Variants in KIF15 observed in about 807,000 individuals in gnomAD.
KIF15 encodes the protein kinesin-like protein KIF15.
KIF15 carries 140 observed loss-of-function variants against 190.6 expected under a neutral mutation model. The observed-to-expected ratio is 0.73, with a 90% CI of 0.64 to 0.84. The LOEUF is 0.84. Among genes scored for constraint, KIF15 ranks in the 40% least tolerant of loss-of-function variants. KIF15 has a pLI of 0.00. For missense variants in KIF15, 1,372 were observed against 1,584.4 expected (o/e 0.87, Z 2.28); for synonymous variants, 528 against 551.3 (o/e 0.96, Z 0.59).
chr3:44,794,166 C>G lies in KIF15; in HGVS notation c.640-51C>G, dbSNP rs577629297. 2.5e-4 allele frequency: 368 copies of G among 1,459,432 alleles called. 3 individuals carry two copies. The South Asian group carries it at 3.6e-3, about 14-fold the overall frequency. The allele number at this position is 1,459,432 out of a possible 1,614,324, so 90.4% of individuals were successfully genotyped here. A position where few individuals can be genotyped will look rare whatever the true frequency, so the allele number is the denominator to read the frequency against. On this transcript the variant is annotated intron_variant, in intron 7 of 34. Coordinates refer to ENST00000326047, the MANE Select transcript of KIF15 (RefSeq NM_020242.3). The stretch of plus-strand genomic sequence containing the variant: ...AAACTGCTAGGATTACAGGCATAAG[C>G]CACTGTAACTGGTCCTCTCATTTCT...
intron 1 of KIF15, among the ~76,000 whole-genome samples, chr3:44,764,991 C>T (rs1705319604): frequency 1.3e-5 from 2 of 152,174 alleles, no homozygotes; most frequent in African/African-American, 2.4e-5. Context: ...AACTTTTATA[C>T]TCTCTTTAAC....
chr3:44,826,492 C>A, intron 22 of KIF15, 32 bp downstream of exon 22: 1 of 1,387,304 alleles, frequency 7.2e-7, no homozygotes, highest in Non-Finnish European at 1.0e-6. Flanking sequence ...TACTAGCATA[C>A]TAGAATATTG....
intron 8 of KIF15, among the ~76,000 whole-genome samples, chr3:44,795,171 C>G (rs1321742634): frequency 1.3e-5 from 2 of 152,066 alleles, no homozygotes; most frequent in Non-Finnish European, 2.9e-5. Flanking sequence ...CAAGAGACAA[C>G]AGGGGTCAGA....
Position 44,805,042 on chromosome 3 carries a change from C to T in KIF15, c.1703C>T (p.Ser568Leu), listed in dbSNP as rs757204449. The T allele has an allele frequency of 4.4e-6, 7 of 1,607,252 alleles. No homozygotes were observed. Among genetic ancestry groups the T allele is most frequent in the Non-Finnish European group, 5.9e-6 (7 of 1,178,052 alleles). Residue 568 changes from serine to leucine, a missense_variant, in exon 15 of 35, where the codon TCA becomes TTA. Ser to Leu is a moderately radical substitution (Grantham distance 145). Coordinates refer to ENST00000326047, the MANE Select transcript of KIF15 (RefSeq NM_020242.3). ...EKSDKNQQGF[S>L]PKAQKEPCLF... ...TTATTAACAGATCAGCAAGGATTTT[C>T]ACCTAAAGCTCAGAAAGAGCCATGT...
At chr3:44,778,979 C>CAAAAAAA (rs60269306) in intron 4 of KIF15, among the ~76,000 whole-genome samples, 3 of 77,726 alleles carry the variant, frequency 3.9e-5, no homozygotes, top group East Asian at 3.9e-4. Context: ...GACTCCGCCT[C>CAAAAAAA]AAAAAAAAAA....
At chr3:44,814,463 C>T (rs1196483199) in intron 19 of KIF15, among the ~76,000 whole-genome samples, 1 of 152,156 alleles carries the variant, frequency 6.6e-6, no homozygotes. Context: ...GTGCTCACCA[C>T]CACAGCCAGC....
intron 23 of KIF15, 78 bp downstream of exon 23, chr3:44,827,606 T>A: frequency 1.3e-6 from 1 of 786,188 alleles, no homozygotes; most frequent in Non-Finnish European, 2.1e-6. Context: ...CTTATTATAA[T>A]GATTTCAGCT....
chr3:44,854,780 T>C (rs374538741), downstream of KIF15, among the ~76,000 whole-genome samples: 35 of 152,312 alleles, frequency 2.3e-4, 1 homozygote, highest in East Asian at 3.7e-3. Context: ...GTTCCATGCC[T>C]TTCTCTTAGC....
chr3:44,769,649 T>A (rs1482305572), intron 1 of KIF15, among the ~76,000 whole-genome samples: 2 of 152,130 alleles, frequency 1.3e-5, no homozygotes, highest in Non-Finnish European at 2.9e-5. Context: ...TCTGTTACCG[T>A]CTGCTTCTGG....
At chr3:44,863,812 C>T (rs1361875061) in intron 6 of KIF15, 4 of 207,794 alleles carry the variant, frequency 1.9e-5, no homozygotes, top group Non-Finnish European at 4.0e-5. Flanking sequence ...AGAACTCTAC[C>T]CTAGGCTTAC....
At chr3:44,864,932 G>A (rs1699303931) in intron 6 of KIF15, 3 of 1,454,312 alleles carry the variant, frequency 2.1e-6, no homozygotes, top group Non-Finnish European at 2.8e-6. Flanking sequence ...AAGGCTTCTG[G>A]CTCCAGACCT....
At chr3:44,778,032 T>A (rs569793702) in intron 3 of KIF15, 83 bp from the exon 4 acceptor site, 1 of 1,101,218 alleles carries the variant, frequency 9.1e-7, no homozygotes, top group East Asian at 2.4e-5. Flanking sequence ...ACTAAGCAAT[T>A]TTTGCTGTTA....
At position 44,761,851 on chromosome 3, in the gene KIF15, A is replaced by T; in HGVS notation, c.-15A>T. On this transcript the variant is annotated 5_prime_UTR_variant, in exon 1 of 35. Coordinates refer to ENST00000326047, the MANE Select transcript of KIF15 (RefSeq NM_020242.3). ...ACCGGCTGCATTGTTTTCGGGATCG[A>T]GGGGTGAGGGCGCTATGGCACCCGG... is the stretch of plus-strand genomic sequence containing the variant. 6.2e-7 allele frequency: 1 copy of T among 1,614,092 alleles called. No individual in the cohort carries two copies. Among genetic ancestry groups the T allele is most frequent in the Non-Finnish European group, 8.5e-7 (1 of 1,180,022 alleles).
downstream of KIF15, among the ~76,000 whole-genome samples, chr3:44,857,187 C>A (rs919842672): frequency 6.6e-6 from 1 of 152,134 alleles, no homozygotes; most frequent in Admixed American, 6.5e-5. Context: ...GGAGGCCGGA[C>A]TGAAGTCCGG....
At chr3:44,788,946 T>G (rs1281650962) in intron 7 of KIF15, among the ~76,000 whole-genome samples, 1 of 152,352 alleles carries the variant, frequency 6.6e-6, no homozygotes, top group Admixed American at 6.5e-5. Context: ...TAGTAAGTTA[T>G]GTATTTTAGA....
At position 44,802,009 on chromosome 3, in the gene KIF15, A is replaced by G. The variant is rs967913082; in HGVS notation, c.1509+35A>G. ...CGGCATCTATAATATTTCTAAAAAT[A>G]AAAGAAGTTCAAAGCAAATCTAAGT... On this transcript the variant is annotated intron_variant, in intron 13 of 34. Transcript: ENST00000326047. The G allele has an allele frequency of 2.7e-6, 4 of 1,455,706 alleles. No individual in the cohort carries two copies. The African/African-American group carries it at 5.7e-5, about 21-fold the overall frequency. The allele number at this position is 1,455,706 out of a possible 1,614,324, so 90.2% of individuals were successfully genotyped here.
At chr3:44,836,444 A>T (rs1325890531) in intron 26 of KIF15, among the ~76,000 whole-genome samples, 1 of 152,170 alleles carries the variant, frequency 6.6e-6, no homozygotes, top group Admixed American at 6.5e-5. Context: ...CTCTGAAAAT[A>T]TCTTGATATA....
chr3:44,770,313 A>G (rs1705586560), intron 1 of KIF15, among the ~76,000 whole-genome samples: 1 of 152,076 alleles, frequency 6.6e-6, no homozygotes, highest in African/African-American at 2.4e-5. Flanking sequence ...ATTTTTACAG[A>G]GGGCTTTTAG....
intron 14 of KIF15, among the ~76,000 whole-genome samples, chr3:44,803,921 G>A (rs747246635): frequency 2.0e-5 from 3 of 151,844 alleles, no homozygotes; most frequent in African/African-American, 7.3e-5. Context: ...GTGCGATCTC[G>A]GCTCACTGCA....
Sources: allele counts gnomAD v4.1 joint callset (sites outside exome capture counted in the v4.1 genomes callset), GRCh38; gene constraint gnomAD v4.1.1; transcripts MANE v1.5; gene names NCBI Gene and HGNC (gene_info 2026-07-23, HGNC 2026-07-21).